The following NLRP11 variants were observed in gnomAD, a reference collection of about 807,000 sequenced individuals.
The protein encoded by NLRP11 is NACHT, LRR and PYD domains-containing protein 11.
In NLRP11, 53 loss-of-function variants were observed where a neutral mutation model predicts 79.3. The ratio of observed to expected loss-of-function variants is 0.67; its 90% confidence interval spans 0.54 to 0.84. The LOEUF is 0.84. Ranked by LOEUF, NLRP11 falls within the 40% of genes least tolerant of loss-of-function variation. The pLI is 0.00. For synonymous variants in NLRP11, 518 were observed against 462.6 expected (o/e 1.12, Z -1.54); for missense variants, 1,264 against 1,255.0 (o/e 1.01, Z -0.11).
chr19:55,791,671 T>G (rs1205305211), intron 7 of NLRP11, among the ~76,000 whole-genome samples: 1 of 151,464 alleles, frequency 6.6e-6, no homozygotes, highest in East Asian at 1.9e-4. Context: ...TTTTAAACAA[T>G]TTTTTTTTCA....
intron 1 of NLRP11, 26 bp from the exon 2 acceptor site, chr19:55,818,262 A>G: frequency 9.6e-7 from 1 of 1,038,806 alleles, no homozygotes; most frequent in Non-Finnish European, 1.4e-6. Flanking sequence ...GAATCAGACA[A>G]TCAAACCACA....
At chr19:55,794,759 CA>C (rs573947868) in intron 6 of NLRP11, among the ~76,000 whole-genome samples, 135 of 132,728 alleles carry the variant, frequency 1.0e-3, no homozygotes, top group East Asian at 5.6e-3. Flanking sequence ...GACTCCGTCT[CA>C]AAAAAAAAAA....
At chr19:55,823,142 A>G (rs939588468) in intron 1 of NLRP11, among the ~76,000 whole-genome samples, 19 of 146,974 alleles carry the variant, frequency 1.3e-4, no homozygotes, top group Non-Finnish European at 2.4e-4. Flanking sequence ...GGCACCCCCC[A>G]GCAGGAGCAC....
At chr19:55,820,983 C>G (rs1981640805) in intron 1 of NLRP11, among the ~76,000 whole-genome samples, 1 of 152,056 alleles carries the variant, frequency 6.6e-6, no homozygotes, top group African/African-American at 2.4e-5. Flanking sequence ...TGGAAGGCAC[C>G]CCCCACCCAC....
chr19:55,794,635 C>T (rs961894670), intron 6 of NLRP11, among the ~76,000 whole-genome samples: 2 of 152,094 alleles, frequency 1.3e-5, no homozygotes, highest in Admixed American at 6.6e-5. Context: ...TGGCGGGTGC[C>T]TGTGGTCCCA....
intron 2 of NLRP11, among the ~76,000 whole-genome samples, chr19:55,811,305 T>C (rs1371064488): frequency 6.6e-6 from 1 of 152,146 alleles, no homozygotes. Flanking sequence ...GTCATAGAGG[T>C]ATGATACAGA....
intron 4 of NLRP11, among the ~76,000 whole-genome samples, chr19:55,802,016 C>A (rs1347074307): frequency 6.6e-6 from 1 of 152,120 alleles, no homozygotes; most frequent in African/African-American, 2.4e-5. Context: ...AAGAATACAT[C>A]CACATGCACA....
intron 5 of NLRP11, among the ~76,000 whole-genome samples, chr19:55,798,037 C>A (rs1979112059): frequency 1.3e-5 from 2 of 150,102 alleles, no homozygotes; most frequent in African/African-American, 4.9e-5. Context: ...GCCCTTGTCA[C>A]CCAGGCTGGT....
chr19:55,811,623 G>C (rs1044642278), intron 2 of NLRP11, among the ~76,000 whole-genome samples: 6 of 152,116 alleles, frequency 3.9e-5, no homozygotes, highest in Non-Finnish European at 7.3e-5. Flanking sequence ...CATCTCAACA[G>C]CCTGGCAGAG....
At chr19:55,815,853 G>T (rs983295269) in intron 2 of NLRP11, among the ~76,000 whole-genome samples, 6 of 152,278 alleles carry the variant, frequency 3.9e-5, no homozygotes, top group East Asian at 1.9e-4. Flanking sequence ...AGGGACAGGG[G>T]TATGTGATAA....
chr19:55,792,029 C>T (rs1990261262), intron 7 of NLRP11, among the ~76,000 whole-genome samples: 1 of 87,010 alleles, frequency 1.1e-5, no homozygotes, highest in Non-Finnish European at 3.0e-5. Flanking sequence ...CATGCTATGT[C>T]CACCCGGGGC....
rs1980344436 is a variant in NLRP11 at position 55,809,321 on chromosome 19, AAC to A, written c.1287_1288del (p.Leu430AlafsTer13). ...CGGCAAAAGAATATTCGCGGCCTGC[AAC>A]ACAGAGACATCAGCCTCAGTAAACC... On this transcript the variant is annotated frameshift_variant, in exon 3 of 10. Coordinates refer to ENST00000589093, the Ensembl canonical transcript of NLRP11. LOFTEE classifies it high-confidence loss of function. The surrounding 1 kb of genome is among the most constrained non-coding windows in gnomAD (Gnocchi z 4.5). The A allele has an allele frequency of 6.2e-7, 1 of 1,614,054 alleles. No individual in the cohort carries two copies. The highest frequency in any genetic ancestry group is 1.1e-5 in the South Asian group (1 of 91,076).
At chr19:55,785,572 G>A (rs199595226) in exon 10 of NLRP11, 40 of 1,505,172 alleles carry the variant, frequency 2.7e-5, no homozygotes, top group Non-Finnish European at 3.2e-5. Flanking sequence ...TAATTCTCTT[G>A]CATCCCAGTC....
chr19:55,797,563 G>C (rs528997137), intron 5 of NLRP11, among the ~76,000 whole-genome samples: 15 of 152,314 alleles, frequency 9.8e-5, no homozygotes, highest in Non-Finnish European at 2.1e-4. Context: ...GTGCCTAGTA[G>C]ATGATCAGTT....
upstream of NLRP11, among the ~76,000 whole-genome samples, chr19:55,833,122 T>C (rs1266483772): frequency 6.6e-6 from 1 of 152,080 alleles, no homozygotes; most frequent in Non-Finnish European, 1.5e-5. Context: ...CCAAGAAAAA[T>C]ATAAACTAGA....
At chr19:55,835,843 G>A (rs1338004999), upstream of NLRP11, among the ~76,000 whole-genome samples, 3 of 150,524 alleles carry the variant, frequency 2.0e-5, no homozygotes, top group Non-Finnish European at 4.4e-5. Context: ...ATTAGCCGAG[G>A]CCAGGCACAG....
rs574279279 is a variant in NLRP11 at position 55,830,627 on chromosome 19, G to A, written c.-63+1336C>T. 1.9e-3 allele frequency among the ~76,000 whole-genome samples: 266 copies of A among 139,870 alleles called. 1 individual carries two copies. Among genetic ancestry groups the A allele is most frequent in the African/African-American group, 7.1e-3 (259 of 36,318 alleles). 91.8% of individuals were successfully genotyped at this position (139,870 alleles called of 152,430 possible). ...AAAAAAAAAAAAAATGCAACGTTGA[G>A]TGTGTGTTAAAAGCTCTTATTACTT... On this transcript the variant is annotated intron_variant, in intron 1 of 9. Transcript: ENST00000589093.
chr19:55,802,327 G>GA (rs11412307), intron 4 of NLRP11, among the ~76,000 whole-genome samples: 2,602 of 152,050 alleles, frequency 0.017, 76 homozygotes, highest in African/African-American at 0.059. Context: ...GATACAAAAA[G>GA]AAAAAAATAA....
In NLRP11 at chr19:55,809,635, A is replaced by G. The variant is rs746411347; in HGVS notation, c.975T>C (p.Leu325=). ...CCACGAGTATTTCATCCTCATGTACAAGCTGGAGGGCTGCCGACGCCCTCT... is the reference window on the plus strand; with the variant it reads ...CCACGAGTATTTCATCCTCATGTACGAGCTGGAGGGCTGCCGACGCCCTCT... Residue 325 remains leucine, a synonymous_variant, in exon 3 of 10, where the codon CTT becomes CTC. Transcript: ENST00000589093. The surrounding 1 kb of genome is among the most constrained non-coding windows in gnomAD (Gnocchi z 4.5). The G allele has an allele frequency of 6.2e-6, 10 of 1,614,204 alleles. No individual in the cohort carries two copies. The Admixed American group carries it at 1.5e-4, about 24-fold the overall frequency.
Sources: gnomAD v4.1 joint callset for allele counts (sites outside exome capture counted in the v4.1 genomes callset) on GRCh38, gnomAD v4.1.1 for gene constraint, Gnocchi (gnomAD v3.1) non-coding constraint, MANE v1.5 for transcripts, NCBI Gene and HGNC (gene_info 2026-07-23, HGNC 2026-07-21) for gene names.